WDR19: variants seen among roughly 807,000 people sequenced by gnomAD.
The protein encoded by WDR19 is WD repeat-containing protein 19.
A neutral mutation model predicts 180.0 loss-of-function variants in WDR19; 121 were observed. That is an observed-to-expected ratio of 0.67 (90% CI 0.58 to 0.78). WDR19 has a LOEUF of 0.78. WDR19 is among the 30% of genes least tolerant of loss of function. The probability of loss-of-function intolerance (pLI) is 0.00; values close to 1 mark genes in which losing one functional copy is unlikely to be tolerated. For synonymous variants in WDR19, 497 were observed against 540.7 expected (o/e 0.92, Z 1.12); for missense variants, 1,450 against 1,640.7 (o/e 0.88, Z 2.01).
At chr4:39,198,989 C>T (rs978076285) in intron 5 of WDR19, among the ~76,000 whole-genome samples, 18 of 147,280 alleles carry the variant, frequency 1.2e-4, no homozygotes, top group Non-Finnish European at 2.1e-4. Flanking sequence ...GAGAGTGAGA[C>T]TCTGTCTCAA....
Position 39,234,985 on chromosome 4 carries a change from G to C in WDR19, c.2363+110G>C, listed in dbSNP as rs73136741. ...CTCCATTGATTTAATAATTTTTTTA[G>C]AGAAAAAATACTGTATTAATTATAT... On this transcript the variant is annotated intron_variant, in intron 20 of 36. Transcript: ENST00000399820. 3.4e-3 allele frequency: 2,215 copies of C among 651,990 alleles called. 37 individuals carry two copies. The African/African-American group carries it at 0.037, about 11-fold the overall frequency. 40.4% of individuals were successfully genotyped at this position (651,990 alleles called of 1,614,324 possible).
At chr4:39,214,772 A>ATT in intron 10 of WDR19, 101 bp downstream of exon 10, 17 of 696,076 alleles carry the variant, frequency 2.4e-5, no homozygotes, top group Non-Finnish European at 3.6e-5. Flanking sequence ...TAGGAGGAAT[A>ATT]ATTTTTTTTT....
chr4:39,248,649 T>TG, intron 24 of WDR19, among the ~76,000 whole-genome samples: 1 of 152,064 alleles, frequency 6.6e-6, no homozygotes, highest in Non-Finnish European at 1.5e-5. Context: ...AATAAAGGGA[T>TG]GGAGGAAGAT....
At chr4:39,191,659 C>T (rs776156026) in intron 4 of WDR19, among the ~76,000 whole-genome samples, 1 of 152,158 alleles carries the variant, frequency 6.6e-6, no homozygotes, top group Non-Finnish European at 1.5e-5. Flanking sequence ...CAGAGAAAAC[C>T]CTATACATAA....
At chr4:39,240,671 G>T (rs1378349212) in intron 21 of WDR19, among the ~76,000 whole-genome samples, 1 of 152,008 alleles carries the variant, frequency 6.6e-6, no homozygotes, top group Non-Finnish European at 1.5e-5. Flanking sequence ...GTTTCAGTAG[G>T]CTGGACGCGG....
At chr4:39,186,386 G>C (rs1290272332) in intron 2 of WDR19, among the ~76,000 whole-genome samples, 153 bp from the exon 3 acceptor site, 1 of 149,082 alleles carries the variant, frequency 6.7e-6, no homozygotes, top group Non-Finnish European at 1.5e-5. Context: ...GACTGAGGCA[G>C]GGGAATCGCT....
At chr4:39,260,290 T>A (rs1734157266) in intron 28 of WDR19, among the ~76,000 whole-genome samples, 1 of 151,940 alleles carries the variant, frequency 6.6e-6, no homozygotes, top group Non-Finnish European at 1.5e-5. Context: ...GATGGTACCG[T>A]GTACTTCCTA....
At chr4:39,284,289 ATATTC>A (rs1409526278) in intron 36 of WDR19, among the ~76,000 whole-genome samples, 2 of 148,136 alleles carry the variant, frequency 1.4e-5, no homozygotes, top group Non-Finnish European at 3.0e-5. Context: ...GTTTTGATCT[ATATTC>A]TAGTTCACTG....
rs1163866393 is a variant in WDR19 at position 39,224,950 on chromosome 4, A to G, written c.1546A>G (p.Ser516Gly). The G allele has an allele frequency of 1.3e-6, 2 of 1,581,674 alleles. No individual in the cohort carries two copies. The highest frequency in any genetic ancestry group is 1.7e-6 in the Non-Finnish European group (2 of 1,162,554). The stretch of plus-strand genomic sequence containing the variant: ...CGTTAATGATTATCGACATCCTGTC[A>G]GTGTGAAAAAGATTTTTCCCGACCC... Reference protein sequence around the residue: ...QFVNDYRHPVSVKKIFPDPNG... With the variant: ...QFVNDYRHPVGVKKIFPDPNG... The change falls in exon 15 of 37, where the codon AGT becomes GGT. Residue 516 changes from serine to glycine, a missense_variant. Transcript: ENST00000399820.
At chr4:39,182,668 G>T in intron 1 of WDR19, 105 bp downstream of exon 1, 1 of 1,524,000 alleles carries the variant, frequency 6.6e-7, no homozygotes, top group Admixed American at 1.9e-5. Context: ...GAGTTCGTTG[G>T]AAATGAGGAA....
chr4:39,282,294 A>G (rs991083396), intron 36 of WDR19, among the ~76,000 whole-genome samples: 2 of 152,226 alleles, frequency 1.3e-5, no homozygotes, highest in Admixed American at 1.3e-4. Context: ...TCTGTAGATC[A>G]TTTTGAGAAC....
rs549951611 is a variant in WDR19, at chr4:39,205,544, G to T, written c.717-19G>T. The T allele has an allele frequency of 6.2e-7, 1 of 1,604,494 alleles. No individual in the cohort carries two copies. Among genetic ancestry groups the T allele is most frequent in the Non-Finnish European group, 8.5e-7 (1 of 1,174,772 alleles). On this transcript the variant is annotated intron_variant, in intron 8 of 36. Transcript: ENST00000399820. Reference sequence around the variant, plus strand: ...AGCTAATCTCCTTGTTTACCATATTGTTGCCTTCTTTGCTATAGGTATGGT... The same window carrying T: ...AGCTAATCTCCTTGTTTACCATATTTTTGCCTTCTTTGCTATAGGTATGGT...
chr4:39,190,726 T>C (rs1726067124), intron 4 of WDR19, among the ~76,000 whole-genome samples: 1 of 152,210 alleles, frequency 6.6e-6, no homozygotes, highest in African/African-American at 2.4e-5. Context: ...AAAGTGACCG[T>C]TGAGGCAAGT....
chr4:39,188,250 A>G (rs1242088165), intron 3 of WDR19, among the ~76,000 whole-genome samples: 1 of 152,288 alleles, frequency 6.6e-6, no homozygotes, highest in East Asian at 1.9e-4. Context: ...GAAAAATAAC[A>G]TCAGAAAAGA....
rs764945753 is a variant in WDR19, at chr4:39,278,661, C to A, written c.*11C>A. On this transcript the variant is annotated splice_region_variant and 3_prime_UTR_variant, in exon 36 of 37. Transcript: ENST00000399820. ...GAGGAGGAACTGTGATTGGCACGTG[C>A]AGGTGAGTGGCAGAGCGCCCACGCA... 2 of 1,597,690 alleles carry A rather than the reference C, an allele frequency of 1.3e-6. No homozygotes were observed. The highest frequency in any genetic ancestry group is 1.7e-5 in the Admixed American group (1 of 59,168).
intron 5 of WDR19, among the ~76,000 whole-genome samples, chr4:39,195,224 G>A (rs894681762): frequency 5.3e-5 from 8 of 151,822 alleles, no homozygotes; most frequent in African/African-American, 1.7e-4. Context: ...AAAATTAGCC[G>A]GGCACAGTGG....
chr4:39,278,090 A>C, intron 34 of WDR19, 41 bp from the exon 35 acceptor site: 1 of 1,519,828 alleles, frequency 6.6e-7, no homozygotes, highest in African/African-American at 1.4e-5. Flanking sequence ...GGGAGTTTTT[A>C]AAATAAAGAT....
rs746465783 is a variant in WDR19, at chr4:39,278,625, A to G, written c.4004A>G (p.Tyr1335Cys). The change falls in exon 36 of 37, where the codon TAC (tyrosine) becomes TGC (cysteine). Residue 1335 changes from tyrosine to cysteine, a missense_variant. By Grantham distance (194) the Tyr-to-Cys change is radical. Coordinates refer to ENST00000399820, the MANE Select transcript of WDR19 (RefSeq NM_025132.4). ...AAAAAGATTTCAGACTGTACCCAGT[A>G]CCTGCGAACGGAGGAGGAACTGTGA... ...QLKKISDCTQ[Y>C]LRTEEEL 121 of 1,612,682 alleles carry G rather than the reference A, an allele frequency of 7.5e-5. No individual in the cohort carries two copies. Among genetic ancestry groups the G allele is most frequent in the Non-Finnish European group, 6.8e-5 (80 of 1,179,098 alleles).
intron 32 of WDR19, chr4:39,273,378 G>A (rs531728346): frequency 6.0e-6 from 2 of 331,562 alleles, no homozygotes; most frequent in African/African-American, 2.2e-5. Flanking sequence ...CTTCCCAGTG[G>A]AGCACACAGG....
Sources: allele counts gnomAD v4.1 joint callset (sites outside exome capture counted in the v4.1 genomes callset), GRCh38; gene constraint gnomAD v4.1.1; transcripts MANE v1.5; gene names NCBI Gene and HGNC (gene_info 2026-07-23, HGNC 2026-07-21).